The following MYO5B variants were observed in gnomAD, a reference collection of about 807,000 sequenced individuals.
MYO5B encodes myosin VB, also known as unconventional myosin-Vb.
A neutral mutation model predicts 229.3 loss-of-function variants in MYO5B; 143 were observed. That is an observed-to-expected ratio of 0.62 (90% confidence interval 0.54 to 0.72). The LOEUF (loss-of-function observed/expected upper bound fraction) is 0.72. MYO5B is among the 30% of genes least tolerant of loss of function. The pLI is 0.00. For missense variants in MYO5B, 2,321 were observed against 2,331.0 expected (o/e 1.00, Z 0.09); for synonymous variants, 918 against 885.2 (o/e 1.04, Z -0.66).
chr18:50,088,083 G>A (rs890226554), intron 1 of MYO5B, among the ~76,000 whole-genome samples: 23 of 152,174 alleles, frequency 1.5e-4, no homozygotes, highest in Admixed American at 3.9e-4. Context: ...TCATAGACCA[G>A]GGAAAGAAGC....
chr18:49,905,474 A>C (rs16951202), intron 19 of MYO5B, among the ~76,000 whole-genome samples: 8 of 152,270 alleles, frequency 5.3e-5, no homozygotes, highest in African/African-American at 1.9e-4. Context: ...TGCCAGGCCT[A>C]TAACAAGTGC....
At chr18:49,933,823 A>G (rs1333020231) in intron 16 of MYO5B, among the ~76,000 whole-genome samples, 1 of 152,220 alleles carries the variant, frequency 6.6e-6, no homozygotes, top group East Asian at 1.9e-4. Context: ...CTGTAATCAC[A>G]TAAATTTTTA....
At chr18:50,113,184 T>G (rs974058291) in intron 1 of MYO5B, among the ~76,000 whole-genome samples, 3 of 152,198 alleles carry the variant, frequency 2.0e-5, no homozygotes, top group Non-Finnish European at 2.9e-5. Flanking sequence ...ATTTGCTCAG[T>G]ACCTGTAGTC....
chr18:49,984,916 C>T (rs918748706), intron 7 of MYO5B, 91 bp from the exon 8 acceptor site: 11 of 894,940 alleles, frequency 1.2e-5, no homozygotes, highest in East Asian at 2.5e-5. Flanking sequence ...CGTTAGCATG[C>T]TATCCCAGAC....
chr18:50,177,623 C>CA (rs1382877918), intron 1 of MYO5B, among the ~76,000 whole-genome samples: 1 of 152,190 alleles, frequency 6.6e-6, no homozygotes, highest in Non-Finnish European at 1.5e-5. Context: ...TCCAGGTGAA[C>CA]AAAGTAGGGA....
chr18:50,117,732 C>G (rs997474483), intron 1 of MYO5B, among the ~76,000 whole-genome samples: 10 of 152,148 alleles, frequency 6.6e-5, no homozygotes, highest in Non-Finnish European at 1.5e-4. Flanking sequence ...CAAACAGCTT[C>G]CCAGCTTCGG....
chr18:49,887,964 A>G (rs1009061526), intron 22 of MYO5B, among the ~76,000 whole-genome samples: 8 of 152,092 alleles, frequency 5.3e-5, no homozygotes, highest in Non-Finnish European at 4.4e-5. Flanking sequence ...GGGATTACAG[A>G]CATGAGCCAC....
intron 32 of MYO5B, among the ~76,000 whole-genome samples, chr18:49,847,490 A>G (rs2024145004): frequency 6.6e-6 from 1 of 152,202 alleles, no homozygotes; most frequent in Admixed American, 6.5e-5. Flanking sequence ...TCCTACAGCC[A>G]GAGCCACACC....
intron 27 of MYO5B, among the ~76,000 whole-genome samples, 193 bp from the exon 28 acceptor site, chr18:49,864,573 T>A (rs1159530363): frequency 6.6e-6 from 1 of 152,026 alleles, no homozygotes; most frequent in African/African-American, 2.4e-5. Context: ...TGACTTCAAG[T>A]CACAAGTGTG....
At position 50,167,517 on chromosome 18, in the gene MYO5B, T is replaced by C. The variant is rs540826395; in HGVS notation, c.27+27250A>G. Reference sequence around the variant, plus strand: ...ATCAACTGTCCCAACCTCTAGAAACTCAATTTATAAACAGATGAAAAATAA... The same window carrying C: ...ATCAACTGTCCCAACCTCTAGAAACCCAATTTATAAACAGATGAAAAATAA... On this transcript the variant is annotated intron_variant, in intron 1 of 39. Transcript: ENST00000285039. Among the ~76,000 whole-genome samples, 4 of 152,264 alleles carry C rather than the reference T, an allele frequency of 2.6e-5. No homozygotes were observed. In the East Asian group the frequency reaches 7.7e-4, roughly 29 times the overall value.
chr18:50,151,043 C>G (rs923946465), intron 1 of MYO5B, among the ~76,000 whole-genome samples: 4 of 152,182 alleles, frequency 2.6e-5, no homozygotes, highest in Admixed American at 2.6e-4. Flanking sequence ...CAGGAGCCTT[C>G]CTCTGTCCTC....
At chr18:49,853,045 T>C (rs2024219707) in intron 31 of MYO5B, among the ~76,000 whole-genome samples, 1 of 152,114 alleles carries the variant, frequency 6.6e-6, no homozygotes, top group Admixed American at 6.5e-5. Context: ...CCTCAAGAGG[T>C]AGAATCTCTC....
chr18:49,931,270 G>T (rs145120865), intron 16 of MYO5B, among the ~76,000 whole-genome samples: 1 of 152,068 alleles, frequency 6.6e-6, no homozygotes, highest in Non-Finnish European at 1.5e-5. Flanking sequence ...AACACTCCAC[G>T]TTGCACATCA....
chr18:49,931,082 C>T (rs565785165), intron 16 of MYO5B, among the ~76,000 whole-genome samples: 40 of 152,292 alleles, frequency 2.6e-4, no homozygotes, highest in African/African-American at 9.4e-4. Context: ...TTCCTTCTGA[C>T]TGTCCTGCAG....
intron 22 of MYO5B, among the ~76,000 whole-genome samples, chr18:49,884,107 C>T (rs2024618476): frequency 6.6e-6 from 1 of 151,750 alleles, no homozygotes; most frequent in Non-Finnish European, 1.5e-5. Flanking sequence ...GCCAAAAGCA[C>T]AAGCCACCAA....
intron 4 of MYO5B, among the ~76,000 whole-genome samples, chr18:50,032,831 C>A (rs1474369226): frequency 2.0e-5 from 3 of 152,052 alleles, no homozygotes; most frequent in Non-Finnish European, 2.9e-5. Flanking sequence ...ACTAAAAATA[C>A]AAAAATTTAG....
At chr18:49,928,010 T>C (rs568396607) in intron 17 of MYO5B, among the ~76,000 whole-genome samples, 22 of 151,996 alleles carry the variant, frequency 1.4e-4, no homozygotes, top group Middle Eastern at 6.8e-3. Flanking sequence ...AGGACTAATG[T>C]CCAGAATCTA....
At chr18:49,832,275 G>C (rs2023931712) in intron 39 of MYO5B, among the ~76,000 whole-genome samples, 1 of 152,182 alleles carries the variant, frequency 6.6e-6, no homozygotes, top group African/African-American at 2.4e-5. Flanking sequence ...GAGTTAACAG[G>C]TGTAAAGAAC....
chr18:49,883,640 T>C (rs930678198), intron 22 of MYO5B, among the ~76,000 whole-genome samples: 1 of 150,616 alleles, frequency 6.6e-6, no homozygotes, highest in Middle Eastern at 3.4e-3. Context: ...CTTAAATTCA[T>C]ATATAATATC....
Sources: allele counts gnomAD v4.1 joint callset (sites outside exome capture counted in the v4.1 genomes callset), GRCh38; gene constraint gnomAD v4.1.1; transcripts MANE v1.5; gene names NCBI Gene and HGNC (gene_info 2026-07-23, HGNC 2026-07-21).